CNKSR2: variants seen among roughly 807,000 people sequenced by gnomAD.
CNKSR2 encodes connector enhancer of kinase suppressor of Ras 2.
CNKSR2 carries 14 observed loss-of-function variants against 84.4 expected under a neutral mutation model. The observed-to-expected ratio is 0.17, with a 90% CI of 0.11 to 0.26. The LOEUF (loss-of-function observed/expected upper bound fraction) is 0.26, where lower values mean the gene tolerates loss of function less well. Ranked by LOEUF, CNKSR2 falls within the 10% of genes least tolerant of loss-of-function variation. The probability of loss-of-function intolerance (pLI) is 1.00; values close to 1 mark genes in which losing one functional copy is unlikely to be tolerated. For synonymous variants in CNKSR2, 275 were observed against 277.9 expected (o/e 0.99, Z 0.10); for missense variants, 485 against 771.2 (o/e 0.63, Z 4.40).
At chrX:21,612,632 T>C (rs2092556173) in intron 20 of CNKSR2, among the ~76,000 whole-genome samples, 1 of 112,400 alleles carries the variant, frequency 8.9e-6, no homozygotes, top group South Asian at 3.7e-4. Context: ...TGAAGAATTA[T>C]GTCATCAACC....
At chrX:21,560,534 T>C (rs2092178790) in intron 11 of CNKSR2, among the ~76,000 whole-genome samples, 1 of 111,360 alleles carries the variant, frequency 9.0e-6, no homozygotes, top group African/African-American at 3.3e-5. Context: ...ATGTTTATAA[T>C]ATTATCAGAA....
rs909889520 is a variant in CNKSR2 at position 21,374,609 on chromosome X, A to C, written c.-289A>C. The stretch of plus-strand genomic sequence containing the variant: ...GAGCGGCGGAGGCAGCAGCAGCAGC[A>C]GCAGCAGCAGCAGCAGCAGCAGCCG... On this transcript the variant is annotated 5_prime_UTR_variant, in exon 1 of 22. Coordinates refer to ENST00000379510, the MANE Select transcript of CNKSR2 (RefSeq NM_014927.5). The C allele has an allele frequency of 2.0e-6, 1 of 497,632 alleles. No homozygotes were observed. The highest frequency in any genetic ancestry group is 3.5e-6 in the Non-Finnish European group (1 of 283,072). The allele number at this position is 497,632 out of a possible 1,213,427, so 41.0% of individuals were successfully genotyped here. A position where few individuals can be genotyped will look rare whatever the true frequency, so the allele number is the denominator to read the frequency against.
At chrX:21,446,586 C>T (rs1035327019) in intron 4 of CNKSR2, among the ~76,000 whole-genome samples, 1 of 111,347 alleles carries the variant, frequency 9.0e-6, no homozygotes, top group African/African-American at 3.3e-5. Flanking sequence ...TGAGCAAAAA[C>T]TTAAAGACTT....
intron 1 of CNKSR2, among the ~76,000 whole-genome samples, chrX:21,386,529 A>G (rs1284318407): frequency 8.9e-6 from 1 of 112,282 alleles, no homozygotes; most frequent in African/African-American, 3.2e-5. Context: ...TTCCATCTAC[A>G]TTATATTTGA....
chrX:21,465,368 G>T (rs1218365868), intron 4 of CNKSR2, among the ~76,000 whole-genome samples: 2 of 110,487 alleles, frequency 1.8e-5, no homozygotes, highest in African/African-American at 6.6e-5. Flanking sequence ...ATAAATAAAT[G>T]AATGCAAGGA....
At chrX:21,649,322 C>A (rs908943226) in intron 21 of CNKSR2, among the ~76,000 whole-genome samples, 1 of 111,702 alleles carries the variant, frequency 9.0e-6, no homozygotes, top group Non-Finnish European at 1.9e-5. Context: ...GGTGTTATTC[C>A]TCAGTCTATA....
In CNKSR2 at chrX:21,526,905, G is replaced by T. The variant is rs775354143; in HGVS notation, c.996G>T (p.Thr332=). 1 of 1,203,841 alleles carries T rather than the reference G, an allele frequency of 8.3e-7. No individual in the cohort carries two copies. Among genetic ancestry groups the T allele is most frequent in the Admixed American group, 2.2e-5 (1 of 45,687 alleles). Residue 332 remains threonine (T), a synonymous_variant, in exon 10 of 22, where the codon ACG becomes ACT. Transcript: ENST00000379510. ...IPRSPTSSVA[T]PSSTISTPTK... The stretch of plus-strand genomic sequence containing the variant: ...GAAGTCCCACAAGCAGCGTTGCCAC[G>T]CCTTCCAGCACCATCAGTACACCCA...
intron 11 of CNKSR2, among the ~76,000 whole-genome samples, chrX:21,550,479 T>C (rs113705884): frequency 3.0e-4 from 34 of 112,134 alleles, no homozygotes; most frequent in African/African-American, 1.1e-3. Context: ...GGCCTGTAAA[T>C]TAGTTCAACC....
At chrX:21,483,348 T>C (rs963386792) in intron 5 of CNKSR2, among the ~76,000 whole-genome samples, 66 of 109,604 alleles carry the variant, frequency 6.0e-4, no homozygotes, top group Non-Finnish European at 2.7e-4. Flanking sequence ...TTCTCACTCA[T>C]AGATGGGAAT....
At chrX:21,635,436 G>GTA (rs1221604101) in intron 20 of CNKSR2, among the ~76,000 whole-genome samples, 38 of 101,442 alleles carry the variant, frequency 3.7e-4, no homozygotes, top group East Asian at 1.8e-3. Flanking sequence ...ATGTATATGT[G>GTA]TATATATATA....
intron 9 of CNKSR2, 23 bp from the exon 10 acceptor site, chrX:21,526,844 A>AT: frequency 1.7e-6 from 2 of 1,175,673 alleles, no homozygotes; most frequent in Non-Finnish European, 1.2e-6. Context: ...GTGCGTATGT[A>AT]TTTTCTTTTT....
intron 7 of CNKSR2, among the ~76,000 whole-genome samples, chrX:21,500,895 A>G (rs933784995): frequency 2.5e-4 from 28 of 111,675 alleles, no homozygotes; most frequent in African/African-American, 8.4e-4. Context: ...TTAGCATGTT[A>G]TGTAATATGA....
intron 5 of CNKSR2, among the ~76,000 whole-genome samples, chrX:21,487,939 T>C (rs2147179939): frequency 8.9e-6 from 1 of 112,542 alleles, no homozygotes; most frequent in South Asian, 3.7e-4. Context: ...TAAAACCAAG[T>C]GTAGGCCCAT....
intron 20 of CNKSR2, chrX:21,642,038 CTT>C: frequency 1.3e-6 from 1 of 756,454 alleles, no homozygotes. Context: ...TTAATGGACT[CTT>C]TGGTGGCCTC....
rs971562771 is a variant in CNKSR2, at chrX:21,561,640, T to C, written c.1393+80T>C. ...TAAATGTTCTGTAAATAGATTGTTA[T>C]GGCTTCAGTGGAAAACTTATTCTAT... On this transcript the variant is annotated intron_variant, in intron 12 of 21. Transcript: ENST00000379510. The C allele has an allele frequency of 1.3e-5, 9 of 690,394 alleles. No homozygotes were observed. The Admixed American group carries it at 2.3e-4, about 18-fold the overall frequency. The allele number at this position is 690,394 out of a possible 1,213,427, so 56.9% of individuals were successfully genotyped here. A position where few individuals can be genotyped will look rare whatever the true frequency, so the allele number is the denominator to read the frequency against.
At chrX:21,468,190 T>A (rs1305310173) in intron 4 of CNKSR2, among the ~76,000 whole-genome samples, 1 of 110,695 alleles carries the variant, frequency 9.0e-6, no homozygotes, top group East Asian at 2.8e-4. Flanking sequence ...ATTCATCCTT[T>A]TGTCTCTAGT....
chrX:21,610,372 G>C (rs893601672), intron 20 of CNKSR2, among the ~76,000 whole-genome samples: 7 of 112,190 alleles, frequency 6.2e-5, no homozygotes, highest in Non-Finnish European at 9.4e-5. Context: ...CCAAGCCTCT[G>C]TTTATTACTA....
intron 18 of CNKSR2, among the ~76,000 whole-genome samples, chrX:21,603,057 A>G (rs1218958994): frequency 1.8e-5 from 2 of 112,233 alleles, no homozygotes; most frequent in Non-Finnish European, 3.8e-5. Context: ...TATGGATGAA[A>G]TAACTGGTAA....
At chrX:21,391,415 C>G (rs892360163) in intron 1 of CNKSR2, among the ~76,000 whole-genome samples, 5 of 112,497 alleles carry the variant, frequency 4.4e-5, no homozygotes, top group Middle Eastern at 4.6e-3. Context: ...CTCTTACCCT[C>G]TATGCACCCG....
Sources: gnomAD v4.1 joint callset for allele counts (sites outside exome capture counted in the v4.1 genomes callset) on GRCh38, gnomAD v4.1.1 for gene constraint, MANE v1.5 for transcripts, NCBI Gene and HGNC (gene_info 2026-07-23, HGNC 2026-07-21) for gene names.